DKK3: variants seen among roughly 807,000 people sequenced by gnomAD.
DKK3 encodes dickkopf-related protein 3.
In DKK3, 22 loss-of-function variants were observed where a neutral mutation model predicts 33.2. The observed-to-expected ratio is 0.66, with a 90% confidence interval of 0.47 to 0.95. DKK3 has a LOEUF of 0.95. DKK3 is among the 40% of genes least tolerant of loss of function. The pLI, the probability that DKK3 is intolerant of heterozygous loss-of-function variation, is 0.00. For missense variants in DKK3, 398 were observed against 458.4 expected (o/e 0.87, Z 1.20); for synonymous variants, 194 against 188.8 (o/e 1.03, Z -0.23).
In DKK3 at chr11:11,964,536, G is replaced by C. The variant is rs77775330; in HGVS notation, c.981C>G (p.Ser327Arg). Residue 327 changes from serine (S) to arginine (R), a missense_variant, in exon 7 of 7, where the codon AGC (serine) becomes AGG (arginine). Transcript: ENST00000683431. ...VRQELEDLERSLTEEMALREP... is the reference protein window; with the variant it reads ...VRQELEDLERRLTEEMALREP... Reference sequence around the variant, plus strand: ...CCCTCAGCGCCATCTCTTCAGTCAGGCTCCTCTCCAGGTCCTCCAGCTCCT... The same window carrying C: ...CCCTCAGCGCCATCTCTTCAGTCAGCCTCCTCTCCAGGTCCTCCAGCTCCT... The C allele has an allele frequency of 9.2e-4, 1,480 of 1,614,056 alleles. 18 individuals are homozygous for C. In the African/African-American group the frequency reaches 0.018, roughly 20 times the overall value.
chr11:11,975,415 T>G (rs182247875), intron 3 of DKK3, among the ~76,000 whole-genome samples: 43 of 152,254 alleles, frequency 2.8e-4, no homozygotes, highest in Admixed American at 2.7e-3. Context: ...TCACTGAAGG[T>G]TTGGGTGGGG....
At chr11:11,988,452 C>T (rs1848116474) in intron 3 of DKK3, among the ~76,000 whole-genome samples, 1 of 152,196 alleles carries the variant, frequency 6.6e-6, no homozygotes, top group Admixed American at 6.5e-5. Flanking sequence ...CTGCTCCGGG[C>T]TCTGACCCTG....
chr11:12,006,006 TATG>T (rs1181803855), intron 1 of DKK3, among the ~76,000 whole-genome samples: 2 of 152,170 alleles, frequency 1.3e-5, no homozygotes, highest in African/African-American at 2.4e-5. Context: ...CTACTAGTAA[TATG>T]ATGATAATGA....
upstream of DKK3, chr11:12,009,369 C>CCCCCGCCCCGAGCCCCG (rs1848612406): frequency 1.0e-6 from 1 of 975,166 alleles, no homozygotes; most frequent in Non-Finnish European, 1.2e-6. Flanking sequence ...TCCCTCTCCG[C>CCCCCGCCCCGAGCCCCG]CCCCGCCCCG....
upstream of DKK3, chr11:12,009,574 C>T (rs1218179168): frequency 2.4e-5 from 24 of 985,824 alleles, no homozygotes; most frequent in Non-Finnish European, 2.8e-5. Context: ...CCCGTCTTCT[C>T]TGGCCTCCAG....
intron 2 of DKK3, among the ~76,000 whole-genome samples, chr11:11,999,387 C>T (rs998783370): frequency 3.3e-5 from 5 of 152,172 alleles, no homozygotes; most frequent in African/African-American, 7.2e-5. Context: ...TGAAAGGTCA[C>T]GTCTAATGTC....
Position 11,972,662 on chromosome 11 carries a change from G to A in DKK3, c.436-4175C>T, listed in dbSNP as rs562041970. Among the ~76,000 whole-genome samples the A allele has an allele frequency of 2.8e-3, 419 of 152,342 alleles. 3 individuals carry two copies. Among genetic ancestry groups the A allele is most frequent in the African/African-American group, 9.4e-3 (390 of 41,576 alleles). ...GTAGAACTGAGTGGGTGGGTGGAGA[G>A]GACATGTGTCAGTGCCCTCCAAGCA... On this transcript the variant is annotated intron_variant, in intron 3 of 6. Transcript: ENST00000683431.
intron 2 of DKK3, among the ~76,000 whole-genome samples, chr11:11,999,274 T>C (rs1848371530): frequency 6.6e-6 from 1 of 152,238 alleles, no homozygotes; most frequent in Non-Finnish European, 1.5e-5. Flanking sequence ...AATGAGAGAC[T>C]TGTTCCAATA....
upstream of DKK3, chr11:12,009,564 C>T: frequency 1.0e-6 from 1 of 984,406 alleles, no homozygotes; most frequent in South Asian, 4.7e-5. Flanking sequence ...GCATCCCAGG[C>T]CCGTCTTCTC....
At chr11:12,009,512 C>T (rs573892853), upstream of DKK3, 3 of 937,862 alleles carry the variant, frequency 3.2e-6, no homozygotes, top group South Asian at 4.9e-5. Context: ...CCAGCTCTAC[C>T]GAAGGCAGCC....
At chr11:11,985,096 C>A (rs1848041336) in intron 3 of DKK3, among the ~76,000 whole-genome samples, 1 of 152,206 alleles carries the variant, frequency 6.6e-6, no homozygotes, top group South Asian at 2.1e-4. Flanking sequence ...GGAACTCCAG[C>A]TCCAAGGAGG....
At position 12,002,375 on chromosome 11, in the gene DKK3, G is replaced by A; in HGVS notation, c.276C>T (p.Pro92=). 6.2e-7 allele frequency: 1 copy of A among 1,614,006 alleles called. No homozygotes were observed. Among genetic ancestry groups the A allele is most frequent in the South Asian group, 1.1e-5 (1 of 91,076 alleles). Residue 92 remains proline, a synonymous_variant, in exon 2 of 7, where the codon CCC becomes CCT. Transcript: ENST00000683431. ...CTGTGTTGGTCTCATTGTGATAGCT[G>A]GGAGGTAAGTTTGCCAGGTTCACTT... ...SSEVNLANLP[P]SYHNETNTDT...
intron 3 of DKK3, 69 bp from the exon 4 acceptor site, chr11:11,968,556 G>C (rs1847655164): frequency 6.8e-7 from 1 of 1,470,870 alleles, no homozygotes; most frequent in Non-Finnish European, 9.3e-7. Context: ...TGCCCAGGAA[G>C]GGCCAGGCCC....
At chr11:11,980,664 C>A (rs749704889) in intron 3 of DKK3, among the ~76,000 whole-genome samples, 1 of 152,114 alleles carries the variant, frequency 6.6e-6, no homozygotes, top group Non-Finnish European at 1.5e-5. Context: ...GGGCAACTAG[C>A]GCCTCTCTCC....
At chr11:11,988,727 G>A (rs1028296925) in intron 3 of DKK3, among the ~76,000 whole-genome samples, 11 of 152,148 alleles carry the variant, frequency 7.2e-5, no homozygotes, top group African/African-American at 2.7e-4. Flanking sequence ...TGGAGTGGGT[G>A]TTAATTCCTG....
At position 12,008,609 on chromosome 11, in the gene DKK3, CTG is replaced by C; in HGVS notation, c.-29_-28del. On this transcript the variant is annotated 5_prime_UTR_variant, in exon 1 of 7. Transcript: ENST00000683431. This position sits in a 1 kb window ranked among gnomAD's most constrained non-coding sequence, Gnocchi z 4.6. ...TCCGCTCTGCGCCCGCAGCCGCCGC[CTG>C]TGTGTCCCGGAACGCGATCAGAGGC... 1 of 1,372,698 alleles carries C rather than the reference CTG, an allele frequency of 7.3e-7. No homozygotes were observed. Among genetic ancestry groups the C allele is most frequent in the Non-Finnish European group, 9.3e-7 (1 of 1,073,072 alleles). 85.0% of individuals were successfully genotyped at this position (1,372,698 alleles called of 1,614,324 possible). A position where few individuals can be genotyped will look rare whatever the true frequency, so the allele number is the denominator to read the frequency against.
At chr11:12,009,398 G>A, upstream of DKK3, 1 of 835,356 alleles carries the variant, frequency 1.2e-6, no homozygotes, top group Non-Finnish European at 1.3e-6. Context: ...CCGCCCACCA[G>A]GCCCACCCCG....
intron 3 of DKK3, among the ~76,000 whole-genome samples, chr11:11,984,669 A>AAG (rs1554926230): frequency 6.6e-6 from 1 of 151,182 alleles, no homozygotes; most frequent in African/African-American, 2.4e-5. Flanking sequence ...AAAAAAAAAA[A>AAG]AAAGAAAAAG....
At chr11:11,998,805 G>A (rs375902965) in intron 2 of DKK3, 26 bp from the exon 3 acceptor site, 8 of 1,585,128 alleles carry the variant, frequency 5.0e-6, no homozygotes, top group Non-Finnish European at 6.9e-6. Flanking sequence ...TACAATGAAA[G>A]TAAAATAGAA....
Sources: allele counts gnomAD v4.1 joint callset (sites outside exome capture counted in the v4.1 genomes callset), GRCh38; gene constraint gnomAD v4.1.1; non-coding constraint Gnocchi (gnomAD v3.1); transcripts MANE v1.5; gene names NCBI Gene and HGNC (gene_info 2026-07-23, HGNC 2026-07-21).